Variants in RPTOR observed in about 807,000 individuals in gnomAD.
RPTOR encodes the protein regulatory-associated protein of mTOR.
Under a neutral mutation model 169.9 loss-of-function variants are expected in RPTOR, and 21 were observed. The ratio of observed to expected loss-of-function variants is 0.12; its 90% confidence interval spans 0.09 to 0.18. The LOEUF is 0.18. Ranked by LOEUF, RPTOR falls within the 10% of genes least tolerant of loss-of-function variation. The pLI is 1.00. For synonymous variants in RPTOR, 732 were observed against 753.2 expected (o/e 0.97, Z 0.46); for missense variants, 1,133 against 1,855.9 (o/e 0.61, Z 7.16).
At chr17:80,702,664 C>T (rs997363093) in intron 3 of RPTOR, among the ~76,000 whole-genome samples, 12 of 152,318 alleles carry the variant, frequency 7.9e-5, no homozygotes, top group South Asian at 2.1e-4. Context: ...GCCTTCTCTA[C>T]GCAATAGGTA....
At chr17:80,628,359 A>G (rs748833152) in intron 2 of RPTOR, among the ~76,000 whole-genome samples, 28 of 152,174 alleles carry the variant, frequency 1.8e-4, no homozygotes, top group African/African-American at 6.5e-4. Flanking sequence ...AAATTTTCCT[A>G]GATTTCTGTT....
intron 20 of RPTOR, among the ~76,000 whole-genome samples, chr17:80,904,641 AC>A (rs1304309310): frequency 1.3e-5 from 2 of 152,180 alleles, no homozygotes; most frequent in Non-Finnish European, 2.9e-5. Context: ...TCTAAGCTCA[AC>A]ATCCCCGGTC....
chr17:80,871,167 G>A (rs547113865), intron 13 of RPTOR, among the ~76,000 whole-genome samples: 3 of 152,038 alleles, frequency 2.0e-5, no homozygotes, highest in Non-Finnish European at 4.4e-5. Context: ...GTGCAGTGGC[G>A]CGATCTCGGC....
chr17:80,660,003 G>A (rs929927634), intron 3 of RPTOR, among the ~76,000 whole-genome samples: 9 of 152,090 alleles, frequency 5.9e-5, no homozygotes, highest in African/African-American at 2.2e-4. Context: ...GGGCGTGGTG[G>A]CTCATGCCTG....
chr17:80,829,204 C>T (rs1176292041), intron 9 of RPTOR, among the ~76,000 whole-genome samples: 1 of 152,128 alleles, frequency 6.6e-6, no homozygotes, highest in East Asian at 1.9e-4. Context: ...GAACTAGAGA[C>T]ACACAGAAGA....
intron 7 of RPTOR, among the ~76,000 whole-genome samples, chr17:80,800,582 A>G (rs542407177): frequency 6.9e-4 from 105 of 152,260 alleles, no homozygotes; most frequent in African/African-American, 2.5e-3. Flanking sequence ...CGACCCCCCC[A>G]GTTTCTAATT....
intron 6 of RPTOR, among the ~76,000 whole-genome samples, chr17:80,782,889 C>T (rs544025250): frequency 1.3e-5 from 2 of 152,270 alleles, no homozygotes; most frequent in East Asian, 1.9e-4. Flanking sequence ...ATATTTGAAT[C>T]GGGCCAAGGA....
chr17:80,893,359 G>GCGC (rs1346929221), intron 19 of RPTOR, among the ~76,000 whole-genome samples: 1 of 144,734 alleles, frequency 6.9e-6, no homozygotes, highest in Non-Finnish European at 1.5e-5. Context: ...GTGTGTGTGT[G>GCGC]CTGGGTGTGT....
chr17:80,740,879 T>C (rs1485369042), intron 5 of RPTOR, among the ~76,000 whole-genome samples: 1 of 152,210 alleles, frequency 6.6e-6, no homozygotes, highest in Non-Finnish European at 1.5e-5. Flanking sequence ...TCCATTCTTA[T>C]CACTGTTATT....
rs115331513 is a variant in RPTOR at position 80,724,593 on chromosome 17, C to T, written c.508-5967C>T. 1.3e-3 allele frequency among the ~76,000 whole-genome samples: 200 copies of T among 152,264 alleles called. 1 individual carries two copies. The highest frequency in any genetic ancestry group is 4.5e-3 in the African/African-American group (188 of 41,548). Reference sequence around the variant, plus strand: ...CTTGCGAGTTCTACCATCGCAACAGCGGCGAGGCCAGGTTCTCCCATCCCA... The same window carrying T: ...CTTGCGAGTTCTACCATCGCAACAGTGGCGAGGCCAGGTTCTCCCATCCCA... On this transcript the variant is annotated intron_variant, in intron 4 of 33. Transcript: ENST00000306801.
intron 6 of RPTOR, among the ~76,000 whole-genome samples, chr17:80,769,556 A>T (rs529776150): frequency 2.2e-4 from 34 of 152,312 alleles, no homozygotes; most frequent in African/African-American, 8.2e-4. Context: ...TGCCCGGAAA[A>T]GAGGGTCTCC....
At chr17:80,873,570 G>A (rs962719295) in intron 13 of RPTOR, among the ~76,000 whole-genome samples, 22 of 152,196 alleles carry the variant, frequency 1.4e-4, no homozygotes, top group African/African-American at 5.1e-4. Flanking sequence ...GGGGAGAGAA[G>A]CCTTTGCAGA....
rs147854559 is a variant in RPTOR at position 80,556,914 on chromosome 17, C to T, written c.162+11123C>T. Among the ~76,000 whole-genome samples the T allele has an allele frequency of 8.0e-3, 1,223 of 151,964 alleles. 25 individuals carry two copies. The highest frequency in any genetic ancestry group is 0.028 in the African/African-American group (1,158 of 41,444). ...TTCGAGACCAGCCTGCCCAACATGGCGAAACCCCGTCTCTACTAAAAATAA... is the reference window on the plus strand; with the variant it reads ...TTCGAGACCAGCCTGCCCAACATGGTGAAACCCCGTCTCTACTAAAAATAA... On this transcript the variant is annotated intron_variant, in intron 1 of 33. Coordinates refer to ENST00000306801, the MANE Select transcript of RPTOR (RefSeq NM_020761.3).
intron 1 of RPTOR, among the ~76,000 whole-genome samples, chr17:80,578,807 C>T (rs771399836): frequency 7.2e-5 from 11 of 152,240 alleles, no homozygotes; most frequent in South Asian, 4.2e-4. Flanking sequence ...CACAGCCTGG[C>T]GCTTGCTGGC....
intron 21 of RPTOR, among the ~76,000 whole-genome samples, chr17:80,918,793 G>A (rs188368381): frequency 5.7e-4 from 87 of 152,310 alleles, no homozygotes; most frequent in Non-Finnish European, 6.2e-4. Context: ...TGGGTGCAGC[G>A]GGGGCTCCAT....
At chr17:80,753,417 G>A (rs533523413) in intron 5 of RPTOR, among the ~76,000 whole-genome samples, 63 of 152,060 alleles carry the variant, frequency 4.1e-4, no homozygotes, top group African/African-American at 1.2e-3. Flanking sequence ...GGCGGATCAC[G>A]AGGTCAGGAG....
chr17:80,884,657 T>TC (rs1324880226), intron 16 of RPTOR, among the ~76,000 whole-genome samples: 4 of 152,056 alleles, frequency 2.6e-5, no homozygotes, highest in African/African-American at 9.7e-5. Flanking sequence ...GCCTGCGCCC[T>TC]CCCCTCTTTC....
At chr17:80,565,124 G>A (rs2084563473) in intron 1 of RPTOR, among the ~76,000 whole-genome samples, 1 of 152,176 alleles carries the variant, frequency 6.6e-6, no homozygotes, top group African/African-American at 2.4e-5. Flanking sequence ...TTCTAGCTTT[G>A]TGTGAGAGTC....
intron 24 of RPTOR, among the ~76,000 whole-genome samples, chr17:80,930,432 C>CAGCTCATCCTCAGCTCATTCTT (rs2068879555): frequency 6.5e-5 from 2 of 30,736 alleles, no homozygotes; most frequent in African/African-American, 2.8e-4. Context: ...AGCTCATCCT[C>CAGCTCATCCTCAGCTCATTCTT]ATCCCCAGCT....
Sources: allele counts gnomAD v4.1 joint callset (sites outside exome capture counted in the v4.1 genomes callset), GRCh38; gene constraint gnomAD v4.1.1; transcripts MANE v1.5; gene names NCBI Gene and HGNC (gene_info 2026-07-23, HGNC 2026-07-21).